ABCB1: variants seen among roughly 807,000 people sequenced by gnomAD.
The protein encoded by ABCB1 is ATP-dependent translocase ABCB1.
Under a neutral mutation model 142.0 loss-of-function variants are expected in ABCB1, and 69 were observed. The ratio of observed to expected loss-of-function variants is 0.49; its 90% CI spans 0.40 to 0.59. ABCB1 has a LOEUF of 0.59. Ranked by LOEUF, ABCB1 falls within the 20% of genes least tolerant of loss-of-function variation. The pLI, the probability that ABCB1 is intolerant of heterozygous loss-of-function variation, is 0.00. For synonymous variants in ABCB1, 532 were observed against 539.2 expected (o/e 0.99, Z 0.18); for missense variants, 1,326 against 1,554.7 (o/e 0.85, Z 2.47).
intron 1 of ABCB1, among the ~76,000 whole-genome samples, chr7:87,632,421 G>A (rs1414551975): frequency 6.6e-6 from 1 of 152,162 alleles, no homozygotes. Flanking sequence ...TTTACATGTT[G>A]TAGACTAAAA....
chr7:87,586,900 AAG>A (rs16706), intron 3 of ABCB1, among the ~76,000 whole-genome samples: 98,789 of 151,774 alleles, frequency 0.65, 32,909 homozygotes, highest in East Asian at 0.93. Flanking sequence ...GTGTGTAAAA[AAG>A]AGTATCTAAT....
At chr7:87,627,960 A>G (rs1820770525) in intron 1 of ABCB1, 1 of 152,340 alleles carries the variant, frequency 6.6e-6, no homozygotes, top group Admixed American at 6.5e-5. Context: ...GTTGCTGTTT[A>G]TTAGCCCCTG....
chr7:87,608,326 T>C (rs566383804), intron 1 of ABCB1, among the ~76,000 whole-genome samples: 1 of 152,390 alleles, frequency 6.6e-6, no homozygotes, highest in East Asian at 1.9e-4. Context: ...TCCGAATGTT[T>C]ACTTGTGTTT....
intron 15 of ABCB1, 143 bp downstream of exon 15, chr7:87,545,720 A>T (rs1365794805): frequency 2.4e-6 from 2 of 830,266 alleles, no homozygotes; most frequent in Admixed American, 2.9e-5. Flanking sequence ...AAAAATCTTA[A>T]ACACTGGTCT....
rs566539419 is a variant in ABCB1, at chr7:87,705,636, A to C, written c.-331+7525T>G. Among the ~76,000 whole-genome samples, 3 of 152,314 alleles carry C rather than the reference A, an allele frequency of 2.0e-5. No homozygotes were observed. The East Asian group carries it at 5.8e-4, about 29-fold the overall frequency. ...TCATATGCAGGTGTTATGGAACATG[A>C]GACTTTTATTACATAAATTACTTAG... is the stretch of plus-strand genomic sequence containing the variant. On this transcript the variant is annotated intron_variant, in intron 1 of 28. Transcript: ENST00000265724.
Position 87,585,623 on chromosome 7 carries a change from T to C in ABCB1, c.175A>G (p.Ile59Val), listed in dbSNP as rs1584902458. 1.9e-6 allele frequency: 3 copies of C among 1,614,040 alleles called. No homozygotes were observed. The highest frequency in any genetic ancestry group is 2.5e-6 in the Non-Finnish European group (3 of 1,179,930). Residue 59 changes from isoleucine (I) to valine (V), a missense_variant, in exon 4 of 28, where the codon ATC becomes GTC. Coordinates refer to ENST00000622132, the MANE Select transcript of ABCB1 (RefSeq NM_001348946.2). ...AGAGGAAGTCCAGCCCCATGGATGA[T>C]GGCAGCCAAAGTTCCCACCACCATA... The part of the protein sequence containing the change: ...LYMVVGTLAA[I>V]IHGAGLPLMM...
chr7:87,709,417 A>G (rs1245379234), intron 1 of ABCB1: 8 of 985,228 alleles, frequency 8.1e-6, no homozygotes, highest in Admixed American at 6.2e-5. Context: ...CTCTGTTCCA[A>G]TCAGCTACAG....
At chr7:87,531,253 T>G in intron 21 of ABCB1, 41 bp downstream of exon 21, 1 of 1,521,846 alleles carries the variant, frequency 6.6e-7, no homozygotes, top group Non-Finnish European at 9.1e-7. Context: ...TTAGAATACT[T>G]TACTCTACTT....
chr7:87,570,250 A>G lies in ABCB1; in HGVS notation c.287-27T>C, dbSNP rs756974344. ...TAGACCACCACAAAACAAACATACC[A>G]TTTATGTCTCTTTAGTCTCCATTAA... is the stretch of plus-strand genomic sequence containing the variant. On this transcript the variant is annotated intron_variant, in intron 4 of 27. Coordinates refer to ENST00000622132, the MANE Select transcript of ABCB1 (RefSeq NM_001348946.2). The G allele has an allele frequency of 3.1e-6, 5 of 1,591,054 alleles. No homozygotes were observed. In the Admixed American group the frequency reaches 5.0e-5, roughly 16 times the overall value.
intron 4 of ABCB1, among the ~76,000 whole-genome samples, chr7:87,573,812 C>T (rs1372796093): frequency 6.6e-6 from 1 of 152,114 alleles, no homozygotes; most frequent in Non-Finnish European, 1.5e-5. Flanking sequence ...GAGCACTGTG[C>T]AGTCACTGTC....
rs146398820 is a variant in ABCB1, at chr7:87,504,369, A to G, written c.3717T>C (p.Asn1239=). 171 of 1,614,134 alleles carry G rather than the reference A, an allele frequency of 1.1e-4. No individual in the cohort carries two copies. The highest frequency in any genetic ancestry group is 5.0e-4 in the Middle Eastern group (3 of 6,034). ...TCTGAAACACCACTATTAAGTCTGCATTCTGGATGGTGGACAGGCGGTGAG... is the reference window on the plus strand; with the variant it reads ...TCTGAAACACCACTATTAAGTCTGCGTTCTGGATGGTGGACAGGCGGTGAG... The part of the protein sequence containing the change: ...VIAHRLSTIQ[N]ADLIVVFQNG... Residue 1239 remains asparagine (N), a synonymous_variant, in exon 28 of 28, where the codon AAT becomes AAC. Transcript: ENST00000622132.
intron 27 of ABCB1, among the ~76,000 whole-genome samples, chr7:87,505,242 G>A (rs770296914): frequency 5.9e-5 from 9 of 152,158 alleles, no homozygotes; most frequent in Admixed American, 3.9e-4. Flanking sequence ...TGGGGTTACA[G>A]GTGTGAGCCA....
At chr7:87,575,727 A>T (rs1818243907) in intron 4 of ABCB1, among the ~76,000 whole-genome samples, 1 of 152,208 alleles carries the variant, frequency 6.6e-6, no homozygotes, top group Admixed American at 6.5e-5. Context: ...GACAGAGATG[A>T]TTCCAGGAAC....
intron 1 of ABCB1, among the ~76,000 whole-genome samples, chr7:87,644,199 T>A (rs537886991): frequency 4.6e-4 from 70 of 152,334 alleles, no homozygotes; most frequent in Non-Finnish European, 7.6e-4. Flanking sequence ...GTGTTTCTGA[T>A]GTAAAATATA....
At chr7:87,506,112 A>G in intron 26 of ABCB1, 69 bp from the exon 27 acceptor site, 1 of 1,513,326 alleles carries the variant, frequency 6.6e-7, no homozygotes, top group South Asian at 1.1e-5. Context: ...GCTTATAGAA[A>G]GTAGGATAGA....
At position 87,589,445 on chromosome 7, in the gene ABCB1, T is replaced by C. The variant is rs568923618; in HGVS notation, c.118-3765A>G. ...AGACCAAAAAACGTTGTAACACAGGTGAAATGTAAAATAGAAGTATAAACT... is the reference window on the plus strand; with the variant it reads ...AGACCAAAAAACGTTGTAACACAGGCGAAATGTAAAATAGAAGTATAAACT... On this transcript the variant is annotated intron_variant, in intron 3 of 27. Transcript: ENST00000622132. 9.3e-4 allele frequency among the ~76,000 whole-genome samples: 142 copies of C among 151,926 alleles called. 1 individual carries two copies. Among genetic ancestry groups the C allele is most frequent in the Middle Eastern group, 3.4e-3 (1 of 294 alleles).
intron 1 of ABCB1, among the ~76,000 whole-genome samples, chr7:87,651,794 T>G (rs1174211469): frequency 6.6e-6 from 1 of 152,126 alleles, no homozygotes; most frequent in African/African-American, 2.4e-5. Flanking sequence ...TTAAATGAGT[T>G]GAGCAGTACT....
intron 1 of ABCB1, among the ~76,000 whole-genome samples, chr7:87,666,017 G>T (rs1253445757): frequency 6.6e-6 from 1 of 151,994 alleles, no homozygotes; most frequent in Non-Finnish European, 1.5e-5. Flanking sequence ...GGGATTGCTG[G>T]GTCGAATGGT....
chr7:87,593,426 G>A (rs572349183), intron 3 of ABCB1, among the ~76,000 whole-genome samples: 2 of 152,168 alleles, frequency 1.3e-5, no homozygotes, highest in East Asian at 1.9e-4. Flanking sequence ...TTTTAAGATT[G>A]CTAAAAAATC....
Sources: gnomAD v4.1 joint callset for allele counts (sites outside exome capture counted in the v4.1 genomes callset) on GRCh38, gnomAD v4.1.1 for gene constraint, MANE v1.5 for transcripts, NCBI Gene and HGNC (gene_info 2026-07-23, HGNC 2026-07-21) for gene names.